Variants in DLGAP1 observed in about 807,000 individuals in gnomAD.
DLGAP1 encodes the protein DLG associated protein 1.
Under a neutral mutation model 90.8 loss-of-function variants are expected in DLGAP1, and 11 were observed. That is an observed-to-expected ratio of 0.12 (90% CI 0.08 to 0.20). The LOEUF is 0.20. Ranked by LOEUF, DLGAP1 falls within the 10% of genes least tolerant of loss-of-function variation. DLGAP1 has a pLI of 1.00. For missense variants in DLGAP1, 1,050 were observed against 1,333.8 expected (o/e 0.79, Z 3.31); for synonymous variants, 558 against 540.7 (o/e 1.03, Z -0.44).
Position 3,526,546 on chromosome 18 carries a change from G to A in DLGAP1, c.2479+7648C>T, listed in dbSNP as rs948897548. Among the ~76,000 whole-genome samples, 3 of 152,248 alleles carry A rather than the reference G, an allele frequency of 2.0e-5. No homozygotes were observed. Among genetic ancestry groups the A allele is most frequent in the Admixed American group, 2.0e-4 (3 of 15,284 alleles). On this transcript the variant is annotated intron_variant, in intron 10 of 12. Transcript: ENST00000315677. This position sits in a 1 kb window ranked among gnomAD's most constrained non-coding sequence, Gnocchi z 4.7. ...AAAATTAAAGTGGAAGAATTAATCT[G>A]CCTCCGGCACATGCTCTAGGTTTAT... is the stretch of plus-strand genomic sequence containing the variant.
rs144590776 is a variant in DLGAP1, at chr18:3,659,713, G to A, written c.1591+69422C>T. On this transcript the variant is annotated intron_variant, in intron 7 of 12. Transcript: ENST00000315677. The stretch of plus-strand genomic sequence containing the variant: ...CCCGAGTAGCTGGGACTACAGGCAC[G>A]CCTGACCACACCCAGCTAAGTTTCG... 3.1e-3 allele frequency among the ~76,000 whole-genome samples: 474 copies of A among 152,022 alleles called. 9 individuals carry two copies. Among genetic ancestry groups the A allele is most frequent in the Admixed American group, 0.021 (324 of 15,286 alleles).
intron 6 of DLGAP1, among the ~76,000 whole-genome samples, chr18:3,741,094 C>T (rs1224830967): frequency 4.7e-4 from 54 of 115,254 alleles, no homozygotes; most frequent in South Asian, 1.4e-3. Context: ...ACCATCACCA[C>T]CACCACCATC....
At chr18:3,765,632 G>A (rs1460906936) in intron 5 of DLGAP1, among the ~76,000 whole-genome samples, 3 of 151,842 alleles carry the variant, frequency 2.0e-5, no homozygotes, top group Non-Finnish European at 4.4e-5. Flanking sequence ...TCAGGAGTTC[G>A]AAACCAGCCT....
At chr18:3,919,364 A>G (rs186879363) in intron 3 of DLGAP1, among the ~76,000 whole-genome samples, 114 of 152,392 alleles carry the variant, frequency 7.5e-4, no homozygotes, top group Admixed American at 2.4e-3. Flanking sequence ...TGCAGAATGC[A>G]TCACAAACAA....
At chr18:4,372,927 C>CAA (rs71160961) in intron 1 of DLGAP1, among the ~76,000 whole-genome samples, 5 of 143,204 alleles carry the variant, frequency 3.5e-5, no homozygotes, top group South Asian at 2.2e-4. Flanking sequence ...GACTCCATCT[C>CAA]AAAAAAAAAA....
At chr18:3,839,559 A>G (rs776029352) in intron 4 of DLGAP1, among the ~76,000 whole-genome samples, 2 of 152,190 alleles carry the variant, frequency 1.3e-5, no homozygotes, top group African/African-American at 2.4e-5. Context: ...AAACATGAGC[A>G]CATAAACAGG....
At chr18:4,187,190 A>C (rs1020866876) in intron 1 of DLGAP1, among the ~76,000 whole-genome samples, 1 of 152,164 alleles carries the variant, frequency 6.6e-6, no homozygotes, top group Admixed American at 6.6e-5. Context: ...GAACCATTTC[A>C]TCGGCAAACA....
At chr18:4,389,914 A>G (rs983655988) in intron 1 of DLGAP1, among the ~76,000 whole-genome samples, 4 of 152,210 alleles carry the variant, frequency 2.6e-5, no homozygotes, top group Non-Finnish European at 5.9e-5. Flanking sequence ...TATTAAATCT[A>G]GATGTCTATT....
rs1014712269 is a variant in DLGAP1 at position 3,886,734 on chromosome 18, G to C, written c.-72-6594C>G. On this transcript the variant is annotated intron_variant, in intron 3 of 12. Transcript: ENST00000315677. ...AAGAGAAAGAAAAGATTTTCTTGTT[G>C]AAAAGTACAAGCAGCCCTGAACAAT... 1.2e-4 allele frequency among the ~76,000 whole-genome samples: 18 copies of C among 152,206 alleles called. 1 individual carries two copies. Among genetic ancestry groups the C allele is most frequent in the Non-Finnish European group, 2.4e-4 (16 of 68,032 alleles).
chr18:4,255,986 G>C (rs2078880444), intron 1 of DLGAP1, among the ~76,000 whole-genome samples: 1 of 152,132 alleles, frequency 6.6e-6, no homozygotes, highest in African/African-American at 2.4e-5. Context: ...TTATGTGTAA[G>C]AACAAGGACT....
intron 3 of DLGAP1, among the ~76,000 whole-genome samples, chr18:3,979,375 G>A (rs939997121): frequency 6.6e-5 from 10 of 152,206 alleles, no homozygotes; most frequent in African/African-American, 2.4e-4. Flanking sequence ...TTGTGGGGTA[G>A]GCTGTACCAT....
intron 5 of DLGAP1, among the ~76,000 whole-genome samples, chr18:3,787,579 T>C (rs2065519538): frequency 6.6e-6 from 1 of 151,196 alleles, no homozygotes; most frequent in Admixed American, 6.6e-5. Context: ...TGGTTTGTAT[T>C]ATTTAACTAA....
chr18:4,327,693 T>C (rs1198644142), intron 1 of DLGAP1, among the ~76,000 whole-genome samples: 2 of 152,068 alleles, frequency 1.3e-5, no homozygotes, highest in Admixed American at 1.3e-4. Flanking sequence ...ACTCAGAATA[T>C]AGAATATTTT....
At chr18:4,162,933 A>G (rs1432640472) in intron 1 of DLGAP1, among the ~76,000 whole-genome samples, 1 of 152,128 alleles carries the variant, frequency 6.6e-6, no homozygotes, top group Non-Finnish European at 1.5e-5. Flanking sequence ...AAAAAACATA[A>G]TATCATTCTG....
At chr18:3,900,091 T>A (rs1443697840) in intron 3 of DLGAP1, among the ~76,000 whole-genome samples, 10 of 152,190 alleles carry the variant, frequency 6.6e-5, no homozygotes, top group Admixed American at 6.5e-4. Context: ...GCAAAAAGGA[T>A]TGGAATCCAG....
intron 3 of DLGAP1, among the ~76,000 whole-genome samples, chr18:3,936,924 G>A (rs1259483488): frequency 6.6e-6 from 1 of 152,158 alleles, no homozygotes; most frequent in East Asian, 1.9e-4. Flanking sequence ...TGTTCTGTGT[G>A]GGCATTGGAA....
intron 1 of DLGAP1, among the ~76,000 whole-genome samples, chr18:4,376,510 C>T (rs1214746019): frequency 2.0e-5 from 3 of 152,270 alleles, no homozygotes; most frequent in East Asian, 1.9e-4. Context: ...TAATAGGCAT[C>T]CTAGTACTCC....
intron 2 of DLGAP1, among the ~76,000 whole-genome samples, chr18:4,087,334 T>C (rs902678128): frequency 6.6e-6 from 1 of 151,846 alleles, no homozygotes; most frequent in African/African-American, 2.4e-5. Context: ...CCACAACAGG[T>C]TTACCAGAAT....
intron 7 of DLGAP1, among the ~76,000 whole-genome samples, chr18:3,611,696 T>C (rs2057638312): frequency 6.6e-6 from 1 of 152,148 alleles, no homozygotes; most frequent in Non-Finnish European, 1.5e-5. Flanking sequence ...TGCCAGTGGT[T>C]TCAAACCTTT....
Sources: allele counts gnomAD v4.1 joint callset (sites outside exome capture counted in the v4.1 genomes callset), GRCh38; gene constraint gnomAD v4.1.1; non-coding constraint Gnocchi (gnomAD v3.1); transcripts MANE v1.5; gene names NCBI Gene and HGNC (gene_info 2026-07-23, HGNC 2026-07-21).